ATAD2B: variants seen among roughly 807,000 people sequenced by gnomAD.
ATAD2B encodes the protein ATPase family AAA domain-containing protein 2B.
In ATAD2B, 40 loss-of-function variants were observed where a neutral mutation model predicts 167.6. The observed-to-expected ratio is 0.24, with a 90% confidence interval of 0.19 to 0.31. ATAD2B has a LOEUF of 0.31. Ranked by LOEUF, ATAD2B falls within the 10% of genes least tolerant of loss-of-function variation. The probability of loss-of-function intolerance (pLI) is 1.00; values close to 1 mark genes in which losing one functional copy is unlikely to be tolerated. For synonymous variants in ATAD2B, 579 were observed against 596.5 expected (o/e 0.97, Z 0.43); for missense variants, 1,242 against 1,757.2 (o/e 0.71, Z 5.24).
At chr2:23,904,715 G>A (rs973628735) in intron 1 of ATAD2B, among the ~76,000 whole-genome samples, 4 of 152,120 alleles carry the variant, frequency 2.6e-5, no homozygotes, top group South Asian at 2.1e-4. Flanking sequence ...ATCAGAAAAT[G>A]TATGGGTACA....
rs187429517 is a variant in ATAD2B at position 23,889,749 on chromosome 2, G to A, written c.369-1350C>T. On this transcript the variant is annotated intron_variant, in intron 2 of 27. Transcript: ENST00000238789. ...AGCCTGGCCAACATGGTGAAACCCC[G>A]TCTCTACCAAAAATACAAAAATTGC... Among the ~76,000 whole-genome samples the A allele has an allele frequency of 1.9e-4, 29 of 151,126 alleles. No individual in the cohort carries two copies. In the South Asian group the frequency reaches 2.1e-3, roughly 11 times the overall value.
the ATAD2B span, among the ~76,000 whole-genome samples, chr2:23,739,893 C>G: frequency 2.0e-5 from 3 of 152,124 alleles, no homozygotes; most frequent in African/African-American, 7.2e-5. Context: ...CACAGAAATA[C>G]AAACTACCAT....
chr2:23,718,803 G>C, the ATAD2B span, among the ~76,000 whole-genome samples: 2 of 152,294 alleles, frequency 1.3e-5, no homozygotes, highest in African/African-American at 2.4e-5. Context: ...CTAACTTCCA[G>C]AGGCCGCGTG....
chr2:23,776,011 G>T (rs916300828), intron 22 of ATAD2B, among the ~76,000 whole-genome samples: 1 of 152,204 alleles, frequency 6.6e-6, no homozygotes, highest in Non-Finnish European at 1.5e-5. Flanking sequence ...AGCTACTGGG[G>T]AGGCTGAGGC....
In ATAD2B at chr2:23,764,759, C is replaced by T. The variant is rs1677185685; in HGVS notation, c.3256+747G>A. 2.0e-5 allele frequency among the ~76,000 whole-genome samples: 3 copies of T among 152,180 alleles called. No homozygotes were observed. The South Asian group carries it at 6.2e-4, about 32-fold the overall frequency. On this transcript the variant is annotated intron_variant, in intron 23 of 27. Coordinates refer to ENST00000238789, the MANE Select transcript of ATAD2B (RefSeq NM_017552.4). ...ACCCCGCACCTCTTGAGCCCTATTT[C>T]CAGCATTCTGTATTTCTTTAGCAAT...
intron 22 of ATAD2B, among the ~76,000 whole-genome samples, chr2:23,771,062 T>C (rs897804161): frequency 1.3e-5 from 2 of 152,244 alleles, no homozygotes; most frequent in Admixed American, 6.5e-5. Context: ...GTCAGATTTA[T>C]CTATATTTCA....
intron 13 of ATAD2B, among the ~76,000 whole-genome samples, chr2:23,844,318 A>AC (rs1436610728): frequency 5.9e-5 from 9 of 152,146 alleles, no homozygotes; most frequent in African/African-American, 1.9e-4. Context: ...GAAAAAAAAA[A>AC]ACACACAACA....
chr2:23,731,422 C>T, the ATAD2B span, among the ~76,000 whole-genome samples: 1 of 152,160 alleles, frequency 6.6e-6, no homozygotes, highest in Non-Finnish European at 1.5e-5. Flanking sequence ...ATATCAGTCA[C>T]TGATGACATC....
the ATAD2B span, among the ~76,000 whole-genome samples, chr2:23,731,354 G>A: frequency 9.2e-5 from 14 of 152,098 alleles, no homozygotes; most frequent in Admixed American, 9.2e-4. Context: ...AAATGAATAA[G>A]GAATAAGATT....
chr2:23,815,762 G>A (rs1255106734), intron 17 of ATAD2B, among the ~76,000 whole-genome samples: 1 of 152,166 alleles, frequency 6.6e-6, no homozygotes, highest in Non-Finnish European at 1.5e-5. Context: ...ATATGTGATA[G>A]ATCTAAATAT....
At chr2:23,872,509 CA>C (rs202226118) in intron 8 of ATAD2B, 9,455 of 819,424 alleles carry the variant, frequency 0.012, 78 homozygotes, top group Middle Eastern at 0.025. Context: ...TTCTTCATTC[CA>C]AAACGGCAGA....
chr2:23,864,877 T>C lies in ATAD2B; in HGVS notation c.1236A>G (p.Leu412=), dbSNP rs1303096089. 1.3e-6 allele frequency: 2 copies of C among 1,599,148 alleles called. No homozygotes were observed. Among genetic ancestry groups the C allele is most frequent in the South Asian group, 1.1e-5 (1 of 87,382 alleles). Residue 412 remains leucine, a synonymous_variant, in exon 11 of 28, where the codon CTA becomes CTG. Coordinates refer to ENST00000238789, the MANE Select transcript of ATAD2B (RefSeq NM_017552.4). ...IGGLSHHIHA[L]KEMVVFPLLY... ...AAAGTGGGAATACTACCATTTCCTT[T>C]AGCGCATGAATATGATGGCTCAATC...
intron 23 of ATAD2B, among the ~76,000 whole-genome samples, chr2:23,764,317 T>C (rs1677126982): frequency 6.6e-6 from 1 of 152,232 alleles, no homozygotes; most frequent in African/African-American, 2.4e-5. Context: ...TGATTTCTAT[T>C]GCCTATGGCT....
At chr2:23,853,725 T>C (rs1692921657) in intron 13 of ATAD2B, among the ~76,000 whole-genome samples, 1 of 152,220 alleles carries the variant, frequency 6.6e-6, no homozygotes, top group Non-Finnish European at 1.5e-5. Flanking sequence ...AATGGAAAGA[T>C]AATAGATGAC....
At chr2:23,717,669 G>A in the ATAD2B span, among the ~76,000 whole-genome samples, 2 of 151,984 alleles carry the variant, frequency 1.3e-5, no homozygotes, top group African/African-American at 4.8e-5. Flanking sequence ...AGGATCGAGA[G>A]GAAATACTAT....
At chr2:23,703,855 G>C in the ATAD2B span, 1 of 1,536,570 alleles carries the variant, frequency 6.5e-7, no homozygotes, top group Non-Finnish European at 8.7e-7. Flanking sequence ...ACTCTCGCCA[G>C]TTCTGCAGGT....
chr2:23,907,952 C>G (rs1389854677), intron 1 of ATAD2B, among the ~76,000 whole-genome samples: 1 of 152,044 alleles, frequency 6.6e-6, no homozygotes, highest in Non-Finnish European at 1.5e-5. Context: ...AAAGCTGAAA[C>G]TGGATCCCTT....
intron 15 of ATAD2B, among the ~76,000 whole-genome samples, chr2:23,824,223 A>C (rs1167155742): frequency 6.6e-6 from 1 of 152,184 alleles, no homozygotes; most frequent in Non-Finnish European, 1.5e-5. Context: ...CAGCACCCTC[A>C]AGTGCTGGGA....
intron 14 of ATAD2B, chr2:23,832,297 C>T (rs1234723661): frequency 8.7e-6 from 4 of 459,724 alleles, no homozygotes; most frequent in Non-Finnish European, 1.8e-5. Flanking sequence ...GGTAAACAGC[C>T]AGCATAGGCC....
Sources: allele counts gnomAD v4.1 joint callset (sites outside exome capture counted in the v4.1 genomes callset), GRCh38; gene constraint gnomAD v4.1.1; transcripts MANE v1.5; gene names NCBI Gene and HGNC (gene_info 2026-07-23, HGNC 2026-07-21).